The following VSTM2B variants were observed in gnomAD, a reference collection of about 807,000 sequenced individuals.
The protein encoded by VSTM2B is V-set and transmembrane domain containing 2B, also known as V-set and transmembrane domain-containing protein 2B.
A neutral mutation model predicts 24.0 loss-of-function variants in VSTM2B; 24 were observed. That is an observed-to-expected ratio of 1.00 (90% CI 0.72 to 1.40). The LOEUF is 1.40. Ranked by LOEUF, VSTM2B falls within the 40% of genes most tolerant of loss-of-function variation. The pLI is 0.00. For missense variants in VSTM2B, 399 were observed against 416.4 expected (o/e 0.96, Z 0.36); for synonymous variants, 226 against 194.4 (o/e 1.16, Z -1.35).
intron 4 of VSTM2B, among the ~76,000 whole-genome samples, chr19:29,557,536 G>A (rs1173405913): frequency 6.6e-6 from 1 of 151,952 alleles, no homozygotes; most frequent in Non-Finnish European, 1.5e-5. Flanking sequence ...CATCTCTACT[G>A]AAAATACAAA....
Position 29,528,465 on chromosome 19 carries a change from AAGT to A in VSTM2B, c.297+4_297+6del. On this transcript the variant is annotated splice_donor_5th_base_variant and intron_variant, in intron 3 of 4. Coordinates refer to ENST00000335523, the MANE Select transcript of VSTM2B (RefSeq NM_001146339.2). ...ATAAGGATGCAACTAAAATCAGCGTAAGTGTGGAGCCCAGCGCGGGCCGCGGGA... is the reference window on the plus strand; with the variant it reads ...ATAAGGATGCAACTAAAATCAGCGTAGTGGAGCCCAGCGCGGGCCGCGGGA... 6.4e-7 allele frequency: 1 copy of A among 1,550,948 alleles called. No homozygotes were observed. The highest frequency in any genetic ancestry group is 8.7e-7 in the Non-Finnish European group (1 of 1,146,914).
chr19:29,558,066 A>T (rs1449243783), intron 4 of VSTM2B, among the ~76,000 whole-genome samples: 1 of 152,102 alleles, frequency 6.6e-6, no homozygotes, highest in African/African-American at 2.4e-5. Flanking sequence ...AAAAGAAAAC[A>T]TTTATGCAGC....
At chr19:29,558,473 A>G (rs1970460561) in intron 4 of VSTM2B, among the ~76,000 whole-genome samples, 1 of 152,210 alleles carries the variant, frequency 6.6e-6, no homozygotes, top group Non-Finnish European at 1.5e-5. Context: ...ACGCCCATCA[A>G]CCATAGACTG....
At chr19:29,563,313 T>TGCA (rs147095402) in intron 4 of VSTM2B, among the ~76,000 whole-genome samples, 2,118 of 151,324 alleles carry the variant, frequency 0.014, 49 homozygotes, top group East Asian at 0.1. Context: ...AGTGCAGTGG[T>TGCA]GCAATCACAG....
chr19:29,532,153 C>T (rs368403907), intron 4 of VSTM2B, among the ~76,000 whole-genome samples: 6 of 152,318 alleles, frequency 3.9e-5, no homozygotes, highest in East Asian at 3.9e-4. Context: ...TTTCTGGCAG[C>T]GCTTAACTCT....
chr19:29,562,697 C>A (rs1970560282), intron 4 of VSTM2B, among the ~76,000 whole-genome samples: 1 of 152,206 alleles, frequency 6.6e-6, no homozygotes, highest in Non-Finnish European at 1.5e-5. Context: ...CCTCTCATAA[C>A]CCTGGAGGGA....
intron 4 of VSTM2B, among the ~76,000 whole-genome samples, chr19:29,549,512 A>G (rs12972759): frequency 5.6e-4 from 82 of 147,374 alleles, no homozygotes; most frequent in South Asian, 1.5e-3. Context: ...TGGCTCCAGT[A>G]CTGCCCCAGG....
Position 29,529,986 on chromosome 19 carries a change from C to T in VSTM2B, c.465C>T (p.Pro155=), listed in dbSNP as rs1969694877. ...MLRVLSRFAP[P]NMQAAEAVSH... Reference sequence around the variant, plus strand: ...GCGTGCTCTCGCGCTTCGCGCCGCCCAACATGCAGGCCGCCGAGGCCGTGT... The same window carrying T: ...GCGTGCTCTCGCGCTTCGCGCCGCCTAACATGCAGGCCGCCGAGGCCGTGT... The change falls in exon 4 of 5, where the codon CCC becomes CCT. Residue 155 remains proline (P), a synonymous_variant. Coordinates refer to ENST00000335523, the MANE Select transcript of VSTM2B (RefSeq NM_001146339.2). 1 of 1,544,318 alleles carries T rather than the reference C, an allele frequency of 6.5e-7. No homozygotes were observed. Among genetic ancestry groups the T allele is most frequent in the African/African-American group, 1.4e-5 (1 of 73,020 alleles).
chr19:29,562,631 G>A (rs1002739066), intron 4 of VSTM2B, among the ~76,000 whole-genome samples: 6 of 152,160 alleles, frequency 3.9e-5, no homozygotes, highest in African/African-American at 1.2e-4. Flanking sequence ...AAGTAGTGAC[G>A]TCCCCCGGGG....
intron 4 of VSTM2B, among the ~76,000 whole-genome samples, chr19:29,546,306 C>T (rs1434224449): frequency 4.6e-5 from 7 of 152,160 alleles, no homozygotes; most frequent in Non-Finnish European, 1.0e-4. Context: ...ACAGGCAAGG[C>T]GGCACTGTCC....
chr19:29,547,374 T>A (rs1249570224), intron 4 of VSTM2B, among the ~76,000 whole-genome samples: 11 of 152,158 alleles, frequency 7.2e-5, no homozygotes, highest in Admixed American at 7.2e-4. Context: ...TTACAAGGAT[T>A]GAATTTAACG....
chr19:29,562,897 G>A (rs1271940821), intron 4 of VSTM2B, among the ~76,000 whole-genome samples: 1 of 152,152 alleles, frequency 6.6e-6, no homozygotes, highest in Non-Finnish European at 1.5e-5. Context: ...GATCACACTG[G>A]AGAGACAGGT....
At chr19:29,543,075 G>A (rs1357907864) in intron 4 of VSTM2B, among the ~76,000 whole-genome samples, 1 of 152,164 alleles carries the variant, frequency 6.6e-6, no homozygotes, top group African/African-American at 2.4e-5. Context: ...TGGGCACTGG[G>A]TACTCTGGTG....
At chr19:29,545,655 A>G (rs1449288153) in intron 4 of VSTM2B, among the ~76,000 whole-genome samples, 1 of 152,118 alleles carries the variant, frequency 6.6e-6, no homozygotes. Flanking sequence ...TGCAAAGGAC[A>G]TGGTTTGGTT....
Position 29,526,534 on chromosome 19 carries a change from G to T in VSTM2B, c.-50G>T. ...GGAGCCGATCCGAGCCCACGCGGCC[G>T]CCGCCTCTCCGCTCCCGGGCCCCCG... On this transcript the variant is annotated 5_prime_UTR_variant, in exon 1 of 5. Coordinates refer to ENST00000335523, the MANE Select transcript of VSTM2B (RefSeq NM_001146339.2). This position sits in a 1 kb window ranked among gnomAD's most constrained non-coding sequence, Gnocchi z 4.1. 1.4e-6 allele frequency: 2 copies of T among 1,438,436 alleles called. No homozygotes were observed. Among genetic ancestry groups the T allele is most frequent in the Non-Finnish European group, 1.8e-6 (2 of 1,083,224 alleles). The allele number at this position is 1,438,436 out of a possible 1,614,324, so 89.1% of individuals were successfully genotyped here.
intron 4 of VSTM2B, among the ~76,000 whole-genome samples, chr19:29,554,599 G>GC (rs573433607): frequency 2.1e-4 from 32 of 152,258 alleles, no homozygotes; most frequent in Admixed American, 1.6e-3. Flanking sequence ...AGCTCTAAAT[G>GC]CCCCAATTAA....
chr19:29,533,164 A>T (rs944268190), intron 4 of VSTM2B, among the ~76,000 whole-genome samples: 1 of 152,126 alleles, frequency 6.6e-6, no homozygotes, highest in Non-Finnish European at 1.5e-5. Context: ...AGGTCAACTC[A>T]ATGCTGATGG....
Position 29,529,804 on chromosome 19 carries a change from C to A in VSTM2B, c.298-15C>A. 6.5e-7 allele frequency: 1 copy of A among 1,547,604 alleles called. No individual in the cohort carries two copies. Among genetic ancestry groups the A allele is most frequent in the Non-Finnish European group, 8.7e-7 (1 of 1,145,624 alleles). On this transcript the variant is annotated splice_polypyrimidine_tract_variant and intron_variant, in intron 3 of 4. Transcript: ENST00000335523. ...GGAGCTGCCCAGCCCGGCCTCTAAC[C>A]CTGCTCTCTTGCAGACCGTACGCGT...
At chr19:29,540,687 G>A (rs1239223917) in intron 4 of VSTM2B, among the ~76,000 whole-genome samples, 2 of 152,218 alleles carry the variant, frequency 1.3e-5, no homozygotes, top group Admixed American at 6.5e-5. Context: ...AATGTCCATG[G>A]AGCATTTTTT....
Sources: gnomAD v4.1 joint callset for allele counts (sites outside exome capture counted in the v4.1 genomes callset) on GRCh38, gnomAD v4.1.1 for gene constraint, Gnocchi (gnomAD v3.1) non-coding constraint, MANE v1.5 for transcripts, NCBI Gene and HGNC (gene_info 2026-07-23, HGNC 2026-07-21) for gene names.